RAD17: variants seen among roughly 807,000 people sequenced by gnomAD.
The protein encoded by RAD17 is cell cycle checkpoint protein RAD17.
A neutral mutation model predicts 81.5 loss-of-function variants in RAD17; 31 were observed. That is an observed-to-expected ratio of 0.38 (90% CI 0.29 to 0.51). The LOEUF (loss-of-function observed/expected upper bound fraction) is 0.51. Among genes scored for constraint, RAD17 ranks in the 20% least tolerant of loss-of-function variants. The pLI is 0.88. For missense variants in RAD17, 681 were observed against 781.2 expected (o/e 0.87, Z 1.53); for synonymous variants, 261 against 266.2 (o/e 0.98, Z 0.19).
intron 6 of RAD17, among the ~76,000 whole-genome samples, chr5:69,381,490 A>AG (rs1258913883): frequency 6.6e-6 from 1 of 152,134 alleles, no homozygotes; most frequent in East Asian, 1.9e-4. Context: ...AAAAAAAAAA[A>AG]AAGAATAAAT....
intron 7 of RAD17, among the ~76,000 whole-genome samples, chr5:69,383,628 C>T (rs1763992650): frequency 6.6e-6 from 1 of 151,978 alleles, no homozygotes; most frequent in Admixed American, 6.6e-5. Flanking sequence ...GATCCAACCA[C>T]CTCGGCCTCC....
intron 16 of RAD17, among the ~76,000 whole-genome samples, chr5:69,398,257 T>C (rs1765026168): frequency 6.6e-6 from 1 of 152,218 alleles, no homozygotes; most frequent in Non-Finnish European, 1.5e-5. Flanking sequence ...CAGAACATCA[T>C]GTTGTATACC....
chr5:69,379,470 A>T (rs1242025009), intron 6 of RAD17, among the ~76,000 whole-genome samples: 2 of 152,136 alleles, frequency 1.3e-5, no homozygotes, highest in Non-Finnish European at 2.9e-5. Flanking sequence ...TAATAAATTA[A>T]CCTTCACTTA....
At chr5:69,406,181 A>G (rs967963957) in intron 17 of RAD17, among the ~76,000 whole-genome samples, 6 of 152,214 alleles carry the variant, frequency 3.9e-5, no homozygotes, top group African/African-American at 1.4e-4. Flanking sequence ...AACATGGTAT[A>G]TATACACAGT....
At chr5:69,401,723 C>T (rs1417500731) in intron 17 of RAD17, among the ~76,000 whole-genome samples, 3 of 151,890 alleles carry the variant, frequency 2.0e-5, no homozygotes, top group Non-Finnish European at 4.4e-5. Flanking sequence ...TGCAGTGGCT[C>T]ATGCCTGTAA....
chr5:69,396,364 C>G, intron 15 of RAD17, 33 bp from the exon 16 acceptor site: 1 of 1,583,200 alleles, frequency 6.3e-7, no homozygotes. Flanking sequence ...TTTTATAAAT[C>G]TATTTTCTTT....
chr5:69,389,194 T>C (rs1020474141), intron 12 of RAD17, 49 bp downstream of exon 12: 2 of 1,124,310 alleles, frequency 1.8e-6, no homozygotes, highest in Non-Finnish European at 2.6e-6. Flanking sequence ...TGACTGACTT[T>C]CTCTTAATTC....
intron 4 of RAD17, 111 bp from the exon 5 acceptor site, chr5:69,373,712 TTTTTAAG>T (rs1561233402): frequency 1.3e-5 from 5 of 374,116 alleles, no homozygotes; most frequent in South Asian, 1.1e-4. Context: ...TTTTTTTTTT[TTTTTAAG>T]TTTTAAAGGT....
At chr5:69,389,418 C>T (rs1248425310) in intron 12 of RAD17, among the ~76,000 whole-genome samples, 1 of 152,184 alleles carries the variant, frequency 6.6e-6, no homozygotes, top group Non-Finnish European at 1.5e-5. Flanking sequence ...CTGCCTCTGC[C>T]ACTTACCAGT....
In RAD17 at chr5:69,392,020, A is replaced by C. The variant is rs1764585870; in HGVS notation, c.1189+7A>C. On this transcript the variant is annotated splice_region_variant and intron_variant, in intron 13 of 18. Transcript: ENST00000354868. ...AAAATTCTATATTGTAAAAGTAAGAAATTTTTACACTTTTAAAATCTGTTG... is the reference window on the plus strand; with the variant it reads ...AAAATTCTATATTGTAAAAGTAAGACATTTTTACACTTTTAAAATCTGTTG... The C allele has an allele frequency of 6.6e-7, 1 of 1,509,018 alleles. No homozygotes were observed. The highest frequency in any genetic ancestry group is 1.4e-5 in the African/African-American group (1 of 69,420). 93.5% of individuals were successfully genotyped at this position (1,509,018 alleles called of 1,614,324 possible).
intron 5 of RAD17, among the ~76,000 whole-genome samples, 182 bp downstream of exon 5, chr5:69,374,269 G>A (rs1763202633): frequency 6.6e-6 from 1 of 152,072 alleles, no homozygotes; most frequent in Non-Finnish European, 1.5e-5. Flanking sequence ...TTATTCTAAA[G>A]TTGTATGATT....
chr5:69,382,455 TA>T (rs1044572807), intron 7 of RAD17, among the ~76,000 whole-genome samples: 1 of 152,052 alleles, frequency 6.6e-6, no homozygotes, highest in Non-Finnish European at 1.5e-5. Flanking sequence ...AAAAAATAAA[TA>T]AATAAAAGTT....
chr5:69,405,798 T>C (rs1765564115), intron 17 of RAD17, among the ~76,000 whole-genome samples: 1 of 151,974 alleles, frequency 6.6e-6, no homozygotes, highest in Non-Finnish European at 1.5e-5. Context: ...TCCCAGCACT[T>C]TGGGAGGCGA....
chr5:69,372,041 G>A lies in RAD17; in HGVS notation c.-168G>A. 7.6e-7 allele frequency: 1 copy of A among 1,310,384 alleles called. No individual in the cohort carries two copies. The highest frequency in any genetic ancestry group is 1.0e-6 in the Non-Finnish European group (1 of 996,176). The allele number at this position is 1,310,384 out of a possible 1,614,324, so 81.2% of individuals were successfully genotyped here. A position where few individuals can be genotyped will look rare whatever the true frequency, so the allele number is the denominator to read the frequency against. The stretch of plus-strand genomic sequence containing the variant: ...TCTTTCTCTTTTTTTCAGTATATGG[G>A]AGTCCACATTTATGTAAGAAATGAA... On this transcript the variant is annotated 5_prime_UTR_variant, in exon 4 of 19. Coordinates refer to ENST00000354868, the MANE Select transcript of RAD17 (RefSeq NM_133338.3).
chr5:69,392,161 CA>C (rs1280522755), intron 13 of RAD17, 148 bp downstream of exon 13: 2 of 584,546 alleles, frequency 3.4e-6, no homozygotes, highest in Non-Finnish European at 5.5e-6. Flanking sequence ...AGGCCTAAGA[CA>C]TAGTAGGAAA....
rs904960280 is a variant in RAD17 at position 69,369,865 on chromosome 5, G to A, written c.-485G>A. ...TGAGCCCGGGTAGGGCCAGGTGGCT[G>A]CCCTTTCACCTAGGGTAGTCCCTGG... On this transcript the variant is annotated 5_prime_UTR_variant, in exon 1 of 19. Coordinates refer to ENST00000354868, the MANE Select transcript of RAD17 (RefSeq NM_133338.3). The A allele has an allele frequency of 5.8e-6, 4 of 689,100 alleles. No individual in the cohort carries two copies. Among genetic ancestry groups the A allele is most frequent in the African/African-American group, 1.8e-5 (1 of 54,718 alleles). The allele number at this position is 689,100 out of a possible 1,614,324, so 42.7% of individuals were successfully genotyped here. A position where few individuals can be genotyped will look rare whatever the true frequency, so the allele number is the denominator to read the frequency against.
At chr5:69,413,986 CT>C (rs1018471948) in intron 18 of RAD17, 44 bp from the exon 19 acceptor site, 2 of 1,588,526 alleles carry the variant, frequency 1.3e-6, no homozygotes, top group African/African-American at 2.7e-5. Context: ...ATTTAAAAAT[CT>C]TCTCCTTTGG....
At chr5:69,373,798 G>T in intron 4 of RAD17, 32 bp from the exon 5 acceptor site, 2 of 1,490,700 alleles carry the variant, frequency 1.3e-6, no homozygotes, top group Non-Finnish European at 1.8e-6. Context: ...GAGAAAATGT[G>T]ATTATATTTA....
At chr5:69,380,305 C>A (rs1016416075) in intron 6 of RAD17, among the ~76,000 whole-genome samples, 1 of 152,064 alleles carries the variant, frequency 6.6e-6, no homozygotes, top group Non-Finnish European at 1.5e-5. Flanking sequence ...ATGAGATATA[C>A]GTGTTACACT....
Sources: gnomAD v4.1 joint callset for allele counts (sites outside exome capture counted in the v4.1 genomes callset) on GRCh38, gnomAD v4.1.1 for gene constraint, MANE v1.5 for transcripts, NCBI Gene and HGNC (gene_info 2026-07-23, HGNC 2026-07-21) for gene names.